TRPV3: variants seen among roughly 807,000 people sequenced by gnomAD.
TRPV3 encodes transient receptor potential cation channel subfamily V member 3.
Under a neutral mutation model 87.1 loss-of-function variants are expected in TRPV3, and 88 were observed. That is an observed-to-expected ratio of 1.01 (90% CI 0.85 to 1.21). TRPV3 has a LOEUF of 1.21. Among genes scored for constraint, TRPV3 ranks in the 50% most tolerant of loss-of-function variants. The pLI is 0.00. For synonymous variants in TRPV3, 438 were observed against 423.3 expected (o/e 1.03, Z -0.43); for missense variants, 1,054 against 1,030.1 (o/e 1.02, Z -0.32).
At chr17:3,544,005 T>A (rs2074494912) in intron 4 of TRPV3, among the ~76,000 whole-genome samples, 1 of 152,028 alleles carries the variant, frequency 6.6e-6, no homozygotes, top group African/African-American at 2.4e-5. Context: ...CTCCTTTTGT[T>A]TCTTTTTTCT....
intron 16 of TRPV3, among the ~76,000 whole-genome samples, 190 bp from the exon 17 acceptor site, chr17:3,514,862 C>T (rs1223475188): frequency 6.6e-6 from 1 of 152,152 alleles, no homozygotes; most frequent in African/African-American, 2.4e-5. Context: ...ATCTCCACGT[C>T]CCCAGGCCTC....
Position 3,547,599 on chromosome 17 carries a change from T to G in TRPV3, c.120-2328A>C, listed in dbSNP as rs186039163. The stretch of plus-strand genomic sequence containing the variant: ...TCGCACCATTGCACTCCAGGCTGGG[T>G]GACAGAGGGAGACTCCTCTAGAAAA... On this transcript the variant is annotated intron_variant, in intron 2 of 17. Transcript: ENST00000576742. Among the ~76,000 whole-genome samples, 1,137 of 151,678 alleles carry G rather than the reference T, an allele frequency of 7.5e-3. 7 individuals are homozygous for G. Among genetic ancestry groups the G allele is most frequent in the Middle Eastern group, 0.031 (9 of 294 alleles).
chr17:3,534,244 C>G (rs929077856), intron 7 of TRPV3, among the ~76,000 whole-genome samples: 1 of 152,008 alleles, frequency 6.6e-6, no homozygotes, highest in Non-Finnish European at 1.5e-5. Context: ...CTAGCTAGTC[C>G]TGCTGATTAA....
At position 3,527,871 on chromosome 17, in the gene TRPV3, C is replaced by A. The variant is rs76392703; in HGVS notation, c.1503+154G>T. On this transcript the variant is annotated intron_variant, in intron 11 of 17. Coordinates refer to ENST00000576742, the MANE Select transcript of TRPV3 (RefSeq NM_145068.4). ...AGTAGGTAGGATAGGCCAGCCTTAT[C>A]CATTTTTTCCCATGTTATAACTCAG... The A allele has an allele frequency of 0.14, 88,347 of 634,958 alleles. 9,710 individuals are homozygous for A. Among genetic ancestry groups the A allele is most frequent in the East Asian group, 0.45 (16,234 of 36,198 alleles). 39.3% of individuals were successfully genotyped at this position (634,958 alleles called of 1,614,324 possible). A position where few individuals can be genotyped will look rare whatever the true frequency, so the allele number is the denominator to read the frequency against.
At position 3,542,701 on chromosome 17, in the gene TRPV3, G is replaced by A. The variant is rs766158889; in HGVS notation, c.467-3C>T. 2 of 1,612,968 alleles carry A rather than the reference G, an allele frequency of 1.2e-6. No individual in the cohort carries two copies. The highest frequency in any genetic ancestry group is 1.7e-4 in the Middle Eastern group (1 of 6,058). On this transcript the variant is annotated splice_polypyrimidine_tract_variant and splice_region_variant and intron_variant, in intron 5 of 17. Transcript: ENST00000576742. ...CGTCAGCTTGTGCATGAGGAAGTCTGCAGGCAGGGCCATGGGTGGAGTTAC... is the reference window on the plus strand; with the variant it reads ...CGTCAGCTTGTGCATGAGGAAGTCTACAGGCAGGGCCATGGGTGGAGTTAC...
rs200628381 is a variant in TRPV3, at chr17:3,548,178, A to C, written c.120-2907T>G. On this transcript the variant is annotated intron_variant, in intron 2 of 17. Transcript: ENST00000576742. The stretch of plus-strand genomic sequence containing the variant: ...TTCATTCTAAGGCCCAGAAGGGACC[A>C]ACATGCCCCTTCCTTCCTCACAAGA... Among the ~76,000 whole-genome samples, 7 of 152,304 alleles carry C rather than the reference A, an allele frequency of 4.6e-5. No individual in the cohort carries two copies. In the South Asian group the frequency reaches 6.2e-4, roughly 14 times the overall value.
Position 3,513,871 on chromosome 17 carries a change from T to C in TRPV3, c.*46A>G, listed in dbSNP as rs1419477480. Reference sequence around the variant, plus strand: ...TCTGCACAGAGTCGGTGACTCCGCCTGCAGCGCCAGACAGCGCACGCGCAC... The same window carrying C: ...TCTGCACAGAGTCGGTGACTCCGCCCGCAGCGCCAGACAGCGCACGCGCAC... On this transcript the variant is annotated 3_prime_UTR_variant, in exon 18 of 18. Transcript: ENST00000576742. The C allele has an allele frequency of 1.3e-6, 2 of 1,524,984 alleles. No homozygotes were observed. Among genetic ancestry groups the C allele is most frequent in the South Asian group, 1.1e-5 (1 of 88,422 alleles). The allele number at this position is 1,524,984 out of a possible 1,614,324, so 94.5% of individuals were successfully genotyped here. A position where few individuals can be genotyped will look rare whatever the true frequency, so the allele number is the denominator to read the frequency against.
rs1681497103 is a variant in TRPV3, at chr17:3,535,624, C to T, written c.733G>A (p.Ala245Thr). 6.2e-7 allele frequency: 1 copy of T among 1,609,568 alleles called. No individual in the cohort carries two copies. The highest frequency in any genetic ancestry group is 8.5e-7 in the Non-Finnish European group (1 of 1,178,690). ...IAAGADVNAH[A>T]KGAFFNPKYQ... ...TTGGGGTTGAAGAAGGCCCCCTTGG[C>T]GTGCGCGTTGACGTCGGCGCCGGCG... is the stretch of plus-strand genomic sequence containing the variant. Residue 245 changes from alanine to threonine, a missense_variant, in exon 7 of 18, where the codon GCC (alanine) becomes ACC (threonine). Physicochemically the swap from Ala to Thr is moderately conservative, Grantham distance 58. Coordinates refer to ENST00000576742, the MANE Select transcript of TRPV3 (RefSeq NM_145068.4).
Position 3,524,218 on chromosome 17 carries a change from A to G in TRPV3, c.1723T>C (p.Tyr575His). The G allele has an allele frequency of 2.5e-6, 4 of 1,614,212 alleles. No homozygotes were observed. Among genetic ancestry groups the G allele is most frequent in the Non-Finnish European group, 2.5e-6 (3 of 1,180,030 alleles). Residue 575 changes from tyrosine to histidine, a missense_variant, in exon 13 of 18, where the codon TAC becomes CAC. Physicochemically the swap from Tyr to His is moderately conservative, Grantham distance 83. Transcript: ENST00000576742. ...CGCACCTTCTGGATCATGACGCTGTACATGCCCATGGACTGGAAACCCCGC... is the reference window on the plus strand; with the variant it reads ...CGCACCTTCTGGATCATGACGCTGTGCATGCCCATGGACTGGAAACCCCGC... ...YTRGFQSMGM[Y>H]SVMIQKVILH...
At position 3,518,611 on chromosome 17, in the gene TRPV3, C is replaced by T. The variant is rs762399867; in HGVS notation, c.2050G>A (p.Val684Ile). The T allele has an allele frequency of 6.4e-6, 10 of 1,569,284 alleles. No individual in the cohort carries two copies. Among genetic ancestry groups the T allele is most frequent in the South Asian group, 2.3e-5 (2 of 85,532 alleles). The change falls in exon 15 of 18, where the codon GTC (valine) becomes ATC (isoleucine). Residue 684 changes from valine to isoleucine, a missense_variant. Transcript: ENST00000576742. This position sits in a 1 kb window ranked among gnomAD's most constrained non-coding sequence, Gnocchi z 4.3. The part of the protein sequence containing the change: ...IALMGETVEN[V>I]SKESERIWRL... ...CAGATGCGTTCGCTCTCCTTGGAGA[C>T]GTTCTCCACAGTCTCGCCCATCAGA...
intron 2 of TRPV3, among the ~76,000 whole-genome samples, chr17:3,549,039 G>T (rs1222748122): frequency 1.3e-5 from 2 of 152,088 alleles, no homozygotes; most frequent in Non-Finnish European, 2.9e-5. Context: ...TAAAGTAGTC[G>T]CTCCGCAACA....
At position 3,530,854 on chromosome 17, in the gene TRPV3, G is replaced by A. The variant is rs1023216528; in HGVS notation, c.1066-651C>T. Among the ~76,000 whole-genome samples the A allele has an allele frequency of 1.3e-5, 2 of 152,052 alleles. No homozygotes were observed. The highest frequency in any genetic ancestry group is 2.9e-5 in the Non-Finnish European group (2 of 68,032). ...GTGGATCATTTGAGGTCAGGAGTTC[G>A]AGACCAGCCTGGCCAACATGGTGGA... On this transcript the variant is annotated intron_variant, in intron 8 of 17. Coordinates refer to ENST00000576742, the MANE Select transcript of TRPV3 (RefSeq NM_145068.4). This position sits in a 1 kb window ranked among gnomAD's most constrained non-coding sequence, Gnocchi z 4.0.
intron 2 of TRPV3, among the ~76,000 whole-genome samples, chr17:3,551,972 TC>T (rs1212755017): frequency 7.7e-6 from 1 of 129,758 alleles, no homozygotes; most frequent in Non-Finnish European, 1.6e-5. Flanking sequence ...AACTTCCGCC[TC>T]CCAAATTCAA....
chr17:3,536,936 T>G (rs1279328277), intron 6 of TRPV3, among the ~76,000 whole-genome samples: 1 of 152,150 alleles, frequency 6.6e-6, no homozygotes, highest in Non-Finnish European at 1.5e-5. Context: ...TGCCGCTGTG[T>G]CATAAACAAA....
Position 3,518,913 on chromosome 17 carries a change from C to T in TRPV3, c.1811-63G>A, listed in dbSNP as rs539039971. 7.4e-4 allele frequency: 1,132 copies of T among 1,532,238 alleles called. 5 individuals carry two copies. The highest frequency in any genetic ancestry group is 1.4e-3 in the African/African-American group (101 of 73,200). The allele number at this position is 1,532,238 out of a possible 1,614,324, so 94.9% of individuals were successfully genotyped here. A position where few individuals can be genotyped will look rare whatever the true frequency, so the allele number is the denominator to read the frequency against. On this transcript the variant is annotated intron_variant, in intron 14 of 17. Transcript: ENST00000576742. This position sits in a 1 kb window ranked among gnomAD's most constrained non-coding sequence, Gnocchi z 4.3. ...GCCTGGTAATTACTCTACAAGCTTG[C>T]GTGTATTTGCCTACATGACAAGCCT...
At chr17:3,522,776 T>C (rs941204075) in intron 13 of TRPV3, among the ~76,000 whole-genome samples, 11 of 145,658 alleles carry the variant, frequency 7.6e-5, no homozygotes, top group Non-Finnish European at 8.9e-5. Flanking sequence ...GAGATTGCAC[T>C]ATTGCACTCC....
intron 12 of TRPV3, 73 bp downstream of exon 12, chr17:3,526,781 C>A: frequency 8.2e-7 from 1 of 1,214,146 alleles, no homozygotes; most frequent in Non-Finnish European, 1.2e-6. Context: ...GTTCAAGAGG[C>A]GGACACGGCA....
intron 6 of TRPV3, chr17:3,539,703 T>C (rs946569475): frequency 2.0e-5 from 3 of 152,030 alleles, no homozygotes; most frequent in African/African-American, 7.2e-5. Flanking sequence ...GAAACTGTTA[T>C]ATTGAATCTG....
chr17:3,528,981 C>T lies in TRPV3; in HGVS notation c.1257G>A (p.Met419Ile), dbSNP rs1292452477. The T allele has an allele frequency of 8.1e-6, 13 of 1,614,208 alleles. No individual in the cohort carries two copies. Among genetic ancestry groups the T allele is most frequent in the Non-Finnish European group, 1.1e-5 (13 of 1,180,034 alleles). The change falls in exon 10 of 18, where the codon ATG becomes ATA. Residue 419 changes from methionine (M) to isoleucine (I), a missense_variant. By Grantham distance (10) the Met-to-Ile change is conservative. Transcript: ENST00000576742. This position sits in a 1 kb window ranked among gnomAD's most constrained non-coding sequence, Gnocchi z 4.2. ...YNTNIDNRHE[M>I]LTLEPLHTLL... ...GCGTGTGCAGCGGCTCCAGGGTCAG[C>T]ATCTCATGCCGGTTCTAGGGGTAGA...
Sources: gnomAD v4.1 joint callset for allele counts (sites outside exome capture counted in the v4.1 genomes callset) on GRCh38, gnomAD v4.1.1 for gene constraint, Gnocchi (gnomAD v3.1) non-coding constraint, MANE v1.5 for transcripts, NCBI Gene and HGNC (gene_info 2026-07-23, HGNC 2026-07-21) for gene names.